Variants in CAMK2B observed in about 807,000 individuals in gnomAD.
The protein encoded by CAMK2B is calcium/calmodulin-dependent protein kinase type II subunit beta.
In CAMK2B, 27 loss-of-function variants were observed where a neutral mutation model predicts 93.7. The ratio of observed to expected loss-of-function variants is 0.29; its 90% CI spans 0.21 to 0.40. CAMK2B has a LOEUF of 0.40. CAMK2B is among the 10% of genes least tolerant of loss of function. The pLI, the probability that CAMK2B is intolerant of heterozygous loss-of-function variation, is 1.00. For missense variants in CAMK2B, 568 were observed against 895.8 expected (o/e 0.63, Z 4.67); for synonymous variants, 374 against 358.8 (o/e 1.04, Z -0.48).
At chr7:44,313,660 AG>A (rs910437825) in intron 1 of CAMK2B, among the ~76,000 whole-genome samples, 39 of 150,120 alleles carry the variant, frequency 2.6e-4, no homozygotes, top group African/African-American at 9.5e-4. Flanking sequence ...GTCTCTGGAA[AG>A]GGTCACCCAA....
At chr7:44,323,216 C>CA (rs1796585915) in intron 1 of CAMK2B, among the ~76,000 whole-genome samples, 1 of 152,276 alleles carries the variant, frequency 6.6e-6, no homozygotes, top group South Asian at 2.1e-4. Flanking sequence ...CACAAAGGTG[C>CA]ACTAGGCTGA....
At chr7:44,316,825 T>C (rs893409595) in intron 1 of CAMK2B, among the ~76,000 whole-genome samples, 4 of 152,176 alleles carry the variant, frequency 2.6e-5, no homozygotes, top group Non-Finnish European at 4.4e-5. Flanking sequence ...TATTTCCTTA[T>C]AATTTTTTTT....
At chr7:44,277,172 C>CG (rs900335032) in intron 2 of CAMK2B, among the ~76,000 whole-genome samples, 1 of 146,870 alleles carries the variant, frequency 6.8e-6, no homozygotes, top group Non-Finnish European at 1.5e-5. Context: ...GGCAAGCGGG[C>CG]GGGGGGTTGG....
intron 1 of CAMK2B, among the ~76,000 whole-genome samples, chr7:44,319,164 A>AT (rs1015047179): frequency 7.9e-5 from 12 of 152,202 alleles, no homozygotes; most frequent in African/African-American, 2.4e-4. Context: ...ATCAGATTCA[A>AT]TTTTTGTGGG....
rs368388412 is a variant in CAMK2B, at chr7:44,242,667, C to T, written c.602-13G>A. ...TACAGGATCACCCCTGCGGATGGGG[C>T]CTGTGAGCACCGCAGCCACTTGCAG... On this transcript the variant is annotated splice_polypyrimidine_tract_variant and intron_variant, in intron 8 of 23. Transcript: ENST00000395749. The T allele has an allele frequency of 6.3e-7, 1 of 1,582,812 alleles. No individual in the cohort carries two copies. Among genetic ancestry groups the T allele is most frequent in the South Asian group, 1.1e-5 (1 of 89,228 alleles).
intron 2 of CAMK2B, among the ~76,000 whole-genome samples, chr7:44,278,822 A>C (rs2097075832): frequency 6.6e-6 from 1 of 152,236 alleles, no homozygotes; most frequent in South Asian, 2.1e-4. Flanking sequence ...GGAGACCCAG[A>C]TTTCAACTCC....
intron 1 of CAMK2B, among the ~76,000 whole-genome samples, chr7:44,295,869 G>A (rs553526038): frequency 3.3e-5 from 5 of 152,200 alleles, no homozygotes; most frequent in African/African-American, 1.2e-4. Context: ...GTACATAAGC[G>A]GATGGAAGAG....
chr7:44,280,859 T>C (rs973185815), intron 2 of CAMK2B, among the ~76,000 whole-genome samples: 1 of 151,870 alleles, frequency 6.6e-6, no homozygotes, highest in African/African-American at 2.4e-5. Flanking sequence ...CACAAGCAGG[T>C]GAAACGCCCA....
At chr7:44,259,667 G>A (rs1329675830) in intron 3 of CAMK2B, 1 of 152,460 alleles carries the variant, frequency 6.6e-6, no homozygotes, top group Non-Finnish European at 1.5e-5. Flanking sequence ...ACAAGCGGAT[G>A]AAGAGGCGAG....
chr7:44,244,017 G>A (rs2096707271), intron 6 of CAMK2B, among the ~76,000 whole-genome samples: 1 of 152,148 alleles, frequency 6.6e-6, no homozygotes, highest in Non-Finnish European at 1.5e-5. Flanking sequence ...GGATGTTGGG[G>A]GCTGCTTGAG....
intron 14 of CAMK2B, 59 bp downstream of exon 14, chr7:44,234,580 G>C (rs955094917): frequency 6.2e-7 from 1 of 1,603,532 alleles, no homozygotes; most frequent in Non-Finnish European, 8.5e-7. Flanking sequence ...CCCAGGGCGT[G>C]GGGGTGAAGC....
chr7:44,303,064 T>C (rs1263409982), intron 1 of CAMK2B, among the ~76,000 whole-genome samples: 1 of 152,322 alleles, frequency 6.6e-6, no homozygotes, highest in African/African-American at 2.4e-5. Flanking sequence ...GGTTGCAGGA[T>C]ACCAGGTTAA....
chr7:44,290,611 G>T (rs1011292334), intron 1 of CAMK2B, among the ~76,000 whole-genome samples: 1 of 152,206 alleles, frequency 6.6e-6, no homozygotes, highest in Non-Finnish European at 1.5e-5. Flanking sequence ...TTTCTTGTGT[G>T]GGTGAAACTA....
Position 44,286,984 on chromosome 7 carries a change from G to C in CAMK2B, c.66-2759C>G, listed in dbSNP as rs778387679. Among the ~76,000 whole-genome samples, 18 of 152,184 alleles carry C rather than the reference G, an allele frequency of 1.2e-4. No homozygotes were observed. Among genetic ancestry groups the C allele is most frequent in the Non-Finnish European group, 2.2e-4 (15 of 68,010 alleles). The stretch of plus-strand genomic sequence containing the variant: ...GGGGTGCAGGGACCAGGGGTGCAGG[G>C]CCCGGGGGTGAAGAAGGCCCTGCTC... On this transcript the variant is annotated intron_variant, in intron 1 of 23. Transcript: ENST00000395749. The surrounding 1 kb of genome is among the most constrained non-coding windows in gnomAD (Gnocchi z 4.0).
In CAMK2B at chr7:44,228,807, A is replaced by C; in HGVS notation, c.1457T>G (p.Leu486Arg). 1 of 1,505,930 alleles carries C rather than the reference A, an allele frequency of 6.6e-7. No homozygotes were observed. The highest frequency in any genetic ancestry group is 2.5e-5 in the Admixed American group (1 of 40,702). 93.3% of individuals were successfully genotyped at this position (1,505,930 alleles called of 1,614,324 possible). A position where few individuals can be genotyped will look rare whatever the true frequency, so the allele number is the denominator to read the frequency against. ...GGGCCACTACTTACACGGGGAGGAC[A>C]GGGGGCCTAGGAGAGCCGGAGACAG... Reference protein sequence around the residue: ...PCLSPALLGPLSSPSPRISDI... With the variant: ...PCLSPALLGPRSSPSPRISDI... Residue 486 changes from leucine (L) to arginine (R), a missense_variant, in exon 19 of 24, where the codon CTG becomes CGG. Transcript: ENST00000395749.
At chr7:44,287,487 G>T (rs1432680802) in intron 1 of CAMK2B, among the ~76,000 whole-genome samples, 2 of 152,172 alleles carry the variant, frequency 1.3e-5, no homozygotes, top group Admixed American at 1.3e-4. Flanking sequence ...TCTGCCACTT[G>T]CCAGACGGCA....
chr7:44,320,448 T>C (rs921062400), intron 1 of CAMK2B, among the ~76,000 whole-genome samples: 1 of 152,164 alleles, frequency 6.6e-6, no homozygotes, highest in Non-Finnish European at 1.5e-5. Context: ...CTGTGTGACC[T>C]TTCCTGGGGA....
intron 13 of CAMK2B, among the ~76,000 whole-genome samples, chr7:44,235,836 G>A (rs1030063846): frequency 2.0e-5 from 3 of 152,218 alleles, no homozygotes; most frequent in Admixed American, 6.5e-5. Context: ...CTCCCCCACC[G>A]CCTGGCTCCA....
chr7:44,262,311 G>A (rs922497150), intron 3 of CAMK2B, among the ~76,000 whole-genome samples: 3 of 152,200 alleles, frequency 2.0e-5, no homozygotes, highest in African/African-American at 7.2e-5. Context: ...GGCCAAGAGC[G>A]GCTGCCGTCC....
Sources: allele counts gnomAD v4.1 joint callset (sites outside exome capture counted in the v4.1 genomes callset), GRCh38; gene constraint gnomAD v4.1.1; non-coding constraint Gnocchi (gnomAD v3.1); transcripts MANE v1.5; gene names NCBI Gene and HGNC (gene_info 2026-07-23, HGNC 2026-07-21).